The following METTL15 variants were observed in gnomAD, a reference collection of about 807,000 sequenced individuals.
METTL15 encodes 12S rRNA N(4)-cytidine methyltransferase METTL15.
In METTL15, 34 loss-of-function variants were observed where a neutral mutation model predicts 38.3. The observed-to-expected ratio is 0.89, with a 90% CI of 0.68 to 1.18. METTL15 has a LOEUF of 1.18. Ranked by LOEUF, METTL15 falls within the 50% of genes most tolerant of loss-of-function variation. The pLI is 0.00. For synonymous variants in METTL15, 162 were observed against 170.9 expected (o/e 0.95, Z 0.41); for missense variants, 438 against 498.4 (o/e 0.88, Z 1.15).
At chr11:28,253,326 T>G (rs1459637935) in intron 4 of METTL15, among the ~76,000 whole-genome samples, 1 of 152,190 alleles carries the variant, frequency 6.6e-6, no homozygotes, top group East Asian at 1.9e-4. Context: ...TTAATTTTTG[T>G]AGATACATAG....
chr11:28,259,027 C>T (rs1047327009), intron 4 of METTL15, among the ~76,000 whole-genome samples: 1 of 152,060 alleles, frequency 6.6e-6, no homozygotes, highest in Non-Finnish European at 1.5e-5. Context: ...TATCCAGGGC[C>T]CTCTACATAG....
chr11:28,143,153 T>C (rs1849757627), intron 3 of METTL15, among the ~76,000 whole-genome samples: 1 of 152,062 alleles, frequency 6.6e-6, no homozygotes, highest in African/African-American at 2.4e-5. Flanking sequence ...TTTAGATACT[T>C]TTCAGACAGC....
chr11:28,362,569 T>C (rs569210490), intron 5 of METTL15, among the ~76,000 whole-genome samples: 2 of 152,340 alleles, frequency 1.3e-5, no homozygotes, highest in Admixed American at 6.5e-5. Context: ...CTCCCACTTA[T>C]AAGTGACAAC....
At chr11:28,176,856 C>T (rs1851094941) in intron 3 of METTL15, among the ~76,000 whole-genome samples, 1 of 152,056 alleles carries the variant, frequency 6.6e-6, no homozygotes, top group Non-Finnish European at 1.5e-5. Flanking sequence ...ACTTAGAAAA[C>T]TGCCTGGCAA....
At chr11:28,153,535 A>T (rs1203640727) in intron 3 of METTL15, among the ~76,000 whole-genome samples, 1 of 152,144 alleles carries the variant, frequency 6.6e-6, no homozygotes, top group African/African-American at 2.4e-5. Flanking sequence ...GGGATTGGAT[A>T]AATGGAGAGA....
chr11:28,422,368 C>G (rs545355041), intron 5 of METTL15, among the ~76,000 whole-genome samples: 1 of 151,830 alleles, frequency 6.6e-6, no homozygotes, highest in Admixed American at 6.6e-5. Flanking sequence ...TACAAAAGAC[C>G]CAGATATCCA....
intron 6 of METTL15, among the ~76,000 whole-genome samples, chr11:28,444,540 ATT>A (rs1851060111): frequency 6.6e-6 from 1 of 152,188 alleles, no homozygotes; most frequent in Non-Finnish European, 1.5e-5. Flanking sequence ...CATGTAGTAA[ATT>A]TGCTGAGGTT....
chr11:28,238,269 C>G (rs1166691955), intron 4 of METTL15, among the ~76,000 whole-genome samples: 1 of 152,208 alleles, frequency 6.6e-6, no homozygotes, highest in African/African-American at 2.4e-5. Flanking sequence ...CCAGTGCGAG[C>G]TTCCCGGCTG....
At chr11:28,179,648 AATTT>A (rs1420126311) in intron 3 of METTL15, among the ~76,000 whole-genome samples, 1 of 151,768 alleles carries the variant, frequency 6.6e-6, no homozygotes, top group Non-Finnish European at 1.5e-5. Context: ...GCTATACAGC[AATTT>A]ATTTGTCCAT....
chr11:28,211,936 G>T (rs1852658791), intron 4 of METTL15, among the ~76,000 whole-genome samples: 1 of 151,926 alleles, frequency 6.6e-6, no homozygotes, highest in Non-Finnish European at 1.5e-5. Context: ...ATGGGAACTT[G>T]AGAGGTAATT....
At chr11:28,136,248 G>A (rs537030812) in intron 3 of METTL15, among the ~76,000 whole-genome samples, 11 of 152,102 alleles carry the variant, frequency 7.2e-5, no homozygotes, top group African/African-American at 2.4e-4. Flanking sequence ...TTGTGTCGAG[G>A]GTGGGCCAGG....
intron 5 of METTL15, among the ~76,000 whole-genome samples, chr11:28,393,790 C>T (rs772232781): frequency 6.6e-6 from 1 of 152,014 alleles, no homozygotes; most frequent in Non-Finnish European, 1.5e-5. Context: ...TAGGAAGAGA[C>T]TATATACGGA....
intron 5 of METTL15, among the ~76,000 whole-genome samples, chr11:28,295,835 C>G (rs1856712695): frequency 6.6e-6 from 1 of 152,080 alleles, no homozygotes; most frequent in Non-Finnish European, 1.5e-5. Flanking sequence ...AGCTACCATA[C>G]CCTTGTTACT....
intron 6 of METTL15, among the ~76,000 whole-genome samples, chr11:28,524,619 G>A (rs1432673606): frequency 1.3e-5 from 2 of 152,188 alleles, no homozygotes; most frequent in African/African-American, 4.8e-5. Context: ...AGTGTCTGTG[G>A]AAATTGCATT....
chr11:28,262,527 G>T (rs1370467257), intron 4 of METTL15, among the ~76,000 whole-genome samples: 2 of 151,940 alleles, frequency 1.3e-5, no homozygotes, highest in Non-Finnish European at 2.9e-5. Flanking sequence ...AATTACTTCT[G>T]CTAGGGTGAA....
At chr11:28,206,423 T>C (rs1852347084) in intron 3 of METTL15, among the ~76,000 whole-genome samples, 1 of 152,136 alleles carries the variant, frequency 6.6e-6, no homozygotes, top group Admixed American at 6.6e-5. Context: ...GTTGTAGATG[T>C]ATGGTATTAT....
chr11:28,416,372 C>A lies in METTL15; in HGVS notation c.*359-7927C>A, dbSNP rs981703805. ...GTCCCAGGGAAGAGATCCACACAGA[C>A]CCTGGAAGCAAGCTCAGGGCCATTT... On this transcript the variant is annotated intron_variant and NMD_transcript_variant, in intron 5 of 7. Transcript: ENST00000532947. Among the ~76,000 whole-genome samples the A allele has an allele frequency of 5.3e-5, 8 of 152,276 alleles. No homozygotes were observed. The East Asian group carries it at 1.4e-3, about 26-fold the overall frequency.
chr11:28,170,274 A>G (rs1226164704), intron 3 of METTL15, among the ~76,000 whole-genome samples: 2 of 152,102 alleles, frequency 1.3e-5, no homozygotes, highest in African/African-American at 4.8e-5. Context: ...CTGGTAACCT[A>G]GCACCTAGGT....
At chr11:28,134,625 G>T (rs768878949) in intron 3 of METTL15, 1 of 398,494 alleles carries the variant, frequency 2.5e-6, no homozygotes, top group Non-Finnish European at 4.4e-6. Flanking sequence ...TGGAAAAGCG[G>T]CAGTTAGGAC....
Sources: allele counts gnomAD v4.1 joint callset (sites outside exome capture counted in the v4.1 genomes callset), GRCh38; gene constraint gnomAD v4.1.1; transcripts MANE v1.5; gene names NCBI Gene and HGNC (gene_info 2026-07-23, HGNC 2026-07-21).